The following RPS6KA6 variants were observed in gnomAD, a reference collection of about 807,000 sequenced individuals.
The protein encoded by RPS6KA6 is ribosomal protein S6 kinase alpha-6.
Under a neutral mutation model 65.4 loss-of-function variants are expected in RPS6KA6, and 27 were observed. That is an observed-to-expected ratio of 0.41 (90% CI 0.30 to 0.57). The LOEUF is 0.57. Among genes scored for constraint, RPS6KA6 ranks in the 20% least tolerant of loss-of-function variants. The pLI, the probability that RPS6KA6 is intolerant of heterozygous loss-of-function variation, is 0.24. For missense variants in RPS6KA6, 486 were observed against 555.6 expected (o/e 0.87, Z 1.26); for synonymous variants, 190 against 184.2 (o/e 1.03, Z -0.26).
chrX:84,112,552 C>A (rs1431142490), intron 12 of RPS6KA6, among the ~76,000 whole-genome samples: 1 of 111,730 alleles, frequency 9.0e-6, no homozygotes, highest in East Asian at 2.8e-4. Context: ...GGAAATGAAA[C>A]AAGTTGCTCA....
At chrX:84,180,532 T>TCC (rs1261004613) in intron 1 of RPS6KA6, among the ~76,000 whole-genome samples, 43 of 112,193 alleles carry the variant, frequency 3.8e-4, no homozygotes, top group Admixed American at 3.8e-4. Context: ...TTATTATAGT[T>TCC]ACATAGTAAA....
intron 6 of RPS6KA6, 66 bp downstream of exon 6, chrX:84,145,409 CAGA>C (rs2147543765): frequency 1.5e-6 from 1 of 651,539 alleles, no homozygotes; most frequent in Non-Finnish European, 2.3e-6. Context: ...ATGTAATTAG[CAGA>C]AGAACAAAAG....
chrX:84,094,041 CTGTTTGTT>C (rs57557818), intron 20 of RPS6KA6, among the ~76,000 whole-genome samples: 6 of 110,007 alleles, frequency 5.5e-5, no homozygotes, highest in Admixed American at 2.0e-4. Context: ...TTTTCTTTTT[CTGTTTGTT>C]TGTTTGTTTG....
chrX:84,176,035 T>A (rs1473097767), intron 1 of RPS6KA6, among the ~76,000 whole-genome samples: 1 of 112,320 alleles, frequency 8.9e-6, no homozygotes, highest in Non-Finnish European at 1.9e-5. Context: ...ACTGAGTCAC[T>A]GAGTAACTAC....
intron 2 of RPS6KA6, among the ~76,000 whole-genome samples, chrX:84,163,362 G>A (rs1056606102): frequency 6.3e-5 from 7 of 110,932 alleles, no homozygotes; most frequent in African/African-American, 9.8e-5. Flanking sequence ...TAACTCGGCC[G>A]GGCGCGGTGG....
chrX:84,167,111 A>C (rs2035608893), intron 1 of RPS6KA6, among the ~76,000 whole-genome samples: 1 of 111,537 alleles, frequency 9.0e-6, no homozygotes, highest in African/African-American at 3.3e-5. Context: ...TATTGAAAGG[A>C]GTGAGAGAAA....
intron 9 of RPS6KA6, among the ~76,000 whole-genome samples, chrX:84,119,347 C>T (rs1425278276): frequency 2.7e-5 from 3 of 111,705 alleles, no homozygotes; most frequent in African/African-American, 9.7e-5. Context: ...ATCTATCATC[C>T]TACTGACTAC....
At chrX:84,124,964 T>G (rs1291928580) in intron 8 of RPS6KA6, among the ~76,000 whole-genome samples, 1 of 111,996 alleles carries the variant, frequency 8.9e-6, no homozygotes, top group Non-Finnish European at 1.9e-5. Flanking sequence ...AGCATACTTT[T>G]CAGTGGAAAC....
At chrX:84,124,792 C>T (rs2034745326) in intron 8 of RPS6KA6, among the ~76,000 whole-genome samples, 1 of 111,426 alleles carries the variant, frequency 9.0e-6, no homozygotes, top group African/African-American at 3.3e-5. Flanking sequence ...AAGAAATAAA[C>T]ATACAAGTGC....
At chrX:84,077,751 T>C (rs987121312) in intron 20 of RPS6KA6, among the ~76,000 whole-genome samples, 1 of 112,093 alleles carries the variant, frequency 8.9e-6, no homozygotes, top group Non-Finnish European at 1.9e-5. Flanking sequence ...CATGATCACA[T>C]AGCTGACTGG....
At chrX:84,117,266 AG>A in intron 10 of RPS6KA6, 117 bp downstream of exon 10, 1 of 645,225 alleles carries the variant, frequency 1.5e-6, no homozygotes, top group Non-Finnish European at 2.3e-6. Flanking sequence ...ATATGGTAGA[AG>A]GGAACAAGAC....
intron 20 of RPS6KA6, among the ~76,000 whole-genome samples, chrX:84,089,442 G>A (rs994063841): frequency 2.7e-5 from 3 of 111,706 alleles, no homozygotes; most frequent in Non-Finnish European, 5.6e-5. Flanking sequence ...TCCCTTCCTA[G>A]GATAGAAGTA....
intron 20 of RPS6KA6, among the ~76,000 whole-genome samples, chrX:84,079,560 A>G (rs1002249887): frequency 1.8e-5 from 2 of 111,669 alleles, no homozygotes; most frequent in Admixed American, 1.9e-4. Context: ...GAGCCCAGCA[A>G]GCTAAGATCC....
Position 84,108,578 on chromosome X carries a change from G to A in RPS6KA6, c.1009-853C>T, listed in dbSNP as rs1462785721. ...GAGATCTTCGATGCAGGGAAGGGAA[G>A]ATTGAGTGAGAGACCCCCAGGATTC... On this transcript the variant is annotated intron_variant, in intron 12 of 21. Transcript: ENST00000262752. Among the ~76,000 whole-genome samples the A allele has an allele frequency of 2.9e-4, 32 of 111,459 alleles. No homozygotes were observed. The Admixed American group carries it at 3.1e-3, about 11-fold the overall frequency.
At chrX:84,116,555 T>C (rs2034569832) in intron 11 of RPS6KA6, among the ~76,000 whole-genome samples, 1 of 111,135 alleles carries the variant, frequency 9.0e-6, no homozygotes, top group Admixed American at 9.6e-5. Flanking sequence ...TAAATACATA[T>C]TTTTTCATTC....
chrX:84,184,844 A>AC (rs1267274170), intron 1 of RPS6KA6, among the ~76,000 whole-genome samples: 2 of 107,922 alleles, frequency 1.9e-5, no homozygotes, highest in Admixed American at 2.0e-4. Context: ...AAAAAAAAAA[A>AC]AAAAAAAAAC....
At chrX:84,082,393 T>C (rs989121748) in intron 20 of RPS6KA6, among the ~76,000 whole-genome samples, 3 of 111,523 alleles carry the variant, frequency 2.7e-5, no homozygotes, top group African/African-American at 9.8e-5. Flanking sequence ...TTACAAGCGA[T>C]GTGAAGGACC....
At chrX:84,180,755 G>A (rs2035839591) in intron 1 of RPS6KA6, among the ~76,000 whole-genome samples, 1 of 111,694 alleles carries the variant, frequency 9.0e-6, no homozygotes, top group African/African-American at 3.2e-5. Flanking sequence ...ACATCTGACT[G>A]CTGATCTAAT....
At chrX:84,124,242 C>T (rs796664673) in intron 8 of RPS6KA6, among the ~76,000 whole-genome samples, 2 of 111,068 alleles carry the variant, frequency 1.8e-5, no homozygotes, top group South Asian at 3.8e-4. Flanking sequence ...AATGCCCATA[C>T]ACTCCCAAGC....
Sources: allele counts gnomAD v4.1 joint callset (sites outside exome capture counted in the v4.1 genomes callset), GRCh38; gene constraint gnomAD v4.1.1; transcripts MANE v1.5; gene names NCBI Gene and HGNC (gene_info 2026-07-23, HGNC 2026-07-21).